CYLC1: variants seen among roughly 807,000 people sequenced by gnomAD.
CYLC1 encodes cylicin-1.
In CYLC1, 2 loss-of-function variants were observed where a neutral mutation model predicts 31.6. That is an observed-to-expected ratio of 0.06 (90% CI 0.03 to 0.20). CYLC1 has a LOEUF of 0.20. Among genes scored for constraint, CYLC1 ranks in the 10% least tolerant of loss-of-function variants. The probability of loss-of-function intolerance (pLI) is 1.00; values close to 1 mark genes in which losing one functional copy is unlikely to be tolerated. For synonymous variants in CYLC1, 185 were observed against 153.0 expected (o/e 1.21, Z -1.54); for missense variants, 595 against 424.1 (o/e 1.40, Z -3.54).
At chrX:83,861,294 T>A (rs2031506115) in intron 1 of CYLC1, 95 bp downstream of exon 1, 1 of 612,393 alleles carries the variant, frequency 1.6e-6, no homozygotes, top group Admixed American at 4.2e-5. Flanking sequence ...AGAATGTTTC[T>A]TTCATAGTCG....
At chrX:83,876,625 A>T (rs1478845988) in intron 4 of CYLC1, among the ~76,000 whole-genome samples, 3 of 110,182 alleles carry the variant, frequency 2.7e-5, no homozygotes, top group Non-Finnish European at 5.7e-5. Flanking sequence ...AAGGTTACCA[A>T]ATACCTTCTT....
At chrX:83,878,454 A>AAT (rs2031856972) in intron 4 of CYLC1, among the ~76,000 whole-genome samples, 3 of 32,462 alleles carry the variant, frequency 9.2e-5, no homozygotes, top group African/African-American at 2.5e-4. Flanking sequence ...AATATATATA[A>AAT]ATATATATAA....
rs2031667785 is a variant in CYLC1, at chrX:83,871,710, T to C, written c.177+140T>C. On this transcript the variant is annotated intron_variant, in intron 3 of 4. Coordinates refer to ENST00000329312, the MANE Select transcript of CYLC1 (RefSeq NM_021118.3). ...ATTTGTAATTCTCTGTACAACAGAC[T>C]GCCCCTACCTGCTTTAGATTAAGCT... The C allele has an allele frequency of 2.5e-5, 12 of 487,294 alleles. No homozygotes were observed. In the South Asian group the frequency reaches 6.3e-4, roughly 26 times the overall value. The allele number at this position is 487,294 out of a possible 1,213,427, so 40.2% of individuals were successfully genotyped here. A position where few individuals can be genotyped will look rare whatever the true frequency, so the allele number is the denominator to read the frequency against.
chrX:83,873,673 A>G lies in CYLC1; in HGVS notation c.965A>G (p.Lys322Arg). ...AAGAAAAATGTCAAGAAAGATGACAAGAAAAAGGATGTAAAGAAGGACACA... is the reference window on the plus strand; with the variant it reads ...AAGAAAAATGTCAAGAAAGATGACAGGAAAAAGGATGTAAAGAAGGACACA... ...KVKKNVKKDDKKKDVKKDTES... is the reference protein window; with the variant it reads ...KVKKNVKKDDRKKDVKKDTES... Residue 322 changes from lysine to arginine, a missense_variant, in exon 4 of 5, where the codon AAG becomes AGG. By Grantham distance (26) the Lys-to-Arg change is conservative. Transcript: ENST00000329312. 4 of 1,202,769 alleles carry G rather than the reference A, an allele frequency of 3.3e-6. No individual in the cohort carries two copies. The highest frequency in any genetic ancestry group is 4.5e-6 in the Non-Finnish European group (4 of 891,825).
At chrX:83,880,335 T>G (rs2031891889) in intron 4 of CYLC1, among the ~76,000 whole-genome samples, 1 of 112,059 alleles carries the variant, frequency 8.9e-6, no homozygotes, top group African/African-American at 3.2e-5. Flanking sequence ...TAGTCCTTAG[T>G]AAATAATAAA....
At position 83,873,689 on chromosome X, in the gene CYLC1, G is replaced by T; in HGVS notation, c.981G>T (p.Lys327Asn). ...AAGATGACAAGAAAAAGGATGTAAA[G>T]AAGGACACAGAGTCTACTGATGCTG... The part of the protein sequence containing the change: ...VKKDDKKKDV[K>N]KDTESTDAES... The change falls in exon 4 of 5, where the codon AAG becomes AAT. Residue 327 changes from lysine (K) to asparagine (N), a missense_variant. Coordinates refer to ENST00000329312, the MANE Select transcript of CYLC1 (RefSeq NM_021118.3). 3 of 1,200,291 alleles carry T rather than the reference G, an allele frequency of 2.5e-6. No individual in the cohort carries two copies. Among genetic ancestry groups the T allele is most frequent in the Non-Finnish European group, 3.4e-6 (3 of 889,126 alleles).
intron 4 of CYLC1, among the ~76,000 whole-genome samples, chrX:83,875,680 T>C (rs1463690415): frequency 9.0e-6 from 1 of 111,645 alleles, no homozygotes; most frequent in Non-Finnish European, 1.9e-5. Context: ...CATGTGTGAA[T>C]TGTGGAGGTT....
At chrX:83,864,530 C>A (rs778919569) in intron 1 of CYLC1, among the ~76,000 whole-genome samples, 1 of 110,950 alleles carries the variant, frequency 9.0e-6, no homozygotes, top group Admixed American at 9.7e-5. Context: ...TCTCTACTTC[C>A]TTTTCTCCAA....
intron 4 of CYLC1, among the ~76,000 whole-genome samples, chrX:83,884,245 A>G (rs986465983): frequency 9.0e-6 from 1 of 111,642 alleles, no homozygotes; most frequent in African/African-American, 3.2e-5. Flanking sequence ...AATGTTATTC[A>G]TGTTCTTAGC....
chrX:83,878,851 T>A (rs1254642093), intron 4 of CYLC1, among the ~76,000 whole-genome samples: 1 of 106,090 alleles, frequency 9.4e-6, no homozygotes, highest in South Asian at 4.1e-4. Context: ...GTTTTCTCCT[T>A]CCTTTTTTTT....
intron 4 of CYLC1, among the ~76,000 whole-genome samples, chrX:83,875,346 G>C (rs1432874897): frequency 9.0e-6 from 1 of 111,208 alleles, no homozygotes; most frequent in African/African-American, 3.3e-5. Flanking sequence ...AGCATAAATA[G>C]ACATATTACA....
At chrX:83,883,758 A>G (rs768897001) in intron 4 of CYLC1, among the ~76,000 whole-genome samples, 13 of 111,911 alleles carry the variant, frequency 1.2e-4, no homozygotes, top group African/African-American at 3.9e-4. Context: ...GAAAGTGGGC[A>G]CTCAATATTT....
intron 4 of CYLC1, among the ~76,000 whole-genome samples, chrX:83,886,347 A>G (rs947563011): frequency 2.1e-4 from 23 of 110,788 alleles, no homozygotes; most frequent in African/African-American, 7.5e-4. Flanking sequence ...GCTAGACTAT[A>G]TCTTCCCAGA....
At chrX:83,877,757 C>T (rs1413169607) in intron 4 of CYLC1, among the ~76,000 whole-genome samples, 3 of 102,641 alleles carry the variant, frequency 2.9e-5, no homozygotes, top group Admixed American at 1.2e-4. Flanking sequence ...CTGCATCATA[C>T]ATTATTTGGC....
intron 4 of CYLC1, among the ~76,000 whole-genome samples, chrX:83,883,435 T>C (rs981704996): frequency 1.8e-5 from 2 of 111,949 alleles, no homozygotes; most frequent in Non-Finnish European, 3.8e-5. Context: ...ATATTCCGTG[T>C]CAGGCACTGT....
Position 83,874,759 on chromosome X carries a change from G to A in CYLC1, c.1923+128G>A, listed in dbSNP as rs999847879. On this transcript the variant is annotated intron_variant, in intron 4 of 4. Coordinates refer to ENST00000329312, the MANE Select transcript of CYLC1 (RefSeq NM_021118.3). Reference sequence around the variant, plus strand: ...TAGAATATTGACAACTTTGTGACTCGAAGGTAAGAAAAATAAAGAATACCT... The same window carrying A: ...TAGAATATTGACAACTTTGTGACTCAAAGGTAAGAAAAATAAAGAATACCT... The A allele has an allele frequency of 1.1e-5, 8 of 742,900 alleles. No individual in the cohort carries two copies. In the South Asian group the frequency reaches 2.1e-4, roughly 19 times the overall value. 61.2% of individuals were successfully genotyped at this position (742,900 alleles called of 1,213,427 possible).
intron 1 of CYLC1, among the ~76,000 whole-genome samples, chrX:83,866,049 C>T (rs2031588292): frequency 9.0e-6 from 1 of 111,376 alleles, no homozygotes; most frequent in African/African-American, 3.3e-5. Context: ...AACATCATAT[C>T]CAAATATCAT....
intron 1 of CYLC1, among the ~76,000 whole-genome samples, chrX:83,865,099 A>T (rs2031574177): frequency 9.0e-6 from 1 of 111,628 alleles, no homozygotes; most frequent in South Asian, 3.7e-4. Context: ...CAACTAATTT[A>T]TTGACAATTC....
chrX:83,864,858 A>G, intron 1 of CYLC1: 1 of 215,180 alleles, frequency 4.6e-6, no homozygotes, highest in Middle Eastern at 5.5e-4. Flanking sequence ...TCCTTCTATC[A>G]TATTATCTAT....
Sources: gnomAD v4.1 joint callset for allele counts (sites outside exome capture counted in the v4.1 genomes callset) on GRCh38, gnomAD v4.1.1 for gene constraint, MANE v1.5 for transcripts, NCBI Gene and HGNC (gene_info 2026-07-23, HGNC 2026-07-21) for gene names.